The following GRID2 variants were observed in gnomAD, a reference collection of about 807,000 sequenced individuals.
GRID2 encodes glutamate receptor ionotropic, delta-2.
In GRID2, 33 loss-of-function variants were observed where a neutral mutation model predicts 114.8. The ratio of observed to expected loss-of-function variants is 0.29; its 90% CI spans 0.22 to 0.38. GRID2 has a LOEUF of 0.38. Ranked by LOEUF, GRID2 falls within the 10% of genes least tolerant of loss-of-function variation. GRID2 has a pLI of 1.00. For missense variants in GRID2, 1,184 were observed against 1,257.7 expected (o/e 0.94, Z 0.89); for synonymous variants, 505 against 449.9 (o/e 1.12, Z -1.55).
At position 93,422,760 on chromosome 4, in the gene GRID2, T is replaced by A; in HGVS notation, c.1348-11T>A. On this transcript the variant is annotated splice_polypyrimidine_tract_variant and intron_variant, in intron 9 of 15. Coordinates refer to ENST00000282020, the MANE Select transcript of GRID2 (RefSeq NM_001510.4). ...AGATTGACATCAGAAATTTCTCTTA[T>A]TTCCATGTAGGAAGAACCTTTTGTG... 1 of 1,585,644 alleles carries A rather than the reference T, an allele frequency of 6.3e-7. No homozygotes were observed.
chr4:93,771,974 C>A, intron 15 of GRID2, 102 bp from the exon 16 acceptor site: 3 of 697,450 alleles, frequency 4.3e-6, no homozygotes, highest in South Asian at 1.8e-5. Context: ...ATGAATAAAC[C>A]CCAAAGTTCA....
At chr4:93,427,014 A>G (rs1204449877) in intron 10 of GRID2, among the ~76,000 whole-genome samples, 1 of 152,034 alleles carries the variant, frequency 6.6e-6, no homozygotes, top group Non-Finnish European at 1.5e-5. Flanking sequence ...ATGGGTTGTC[A>G]TGAATGCCAA....
chr4:92,898,800 C>T (rs191018552), intron 2 of GRID2, among the ~76,000 whole-genome samples: 6 of 152,178 alleles, frequency 3.9e-5, no homozygotes, highest in Admixed American at 3.9e-4. Context: ...TAACCTTTAA[C>T]AGGTTTCAAT....
chr4:92,942,672 C>T (rs1751252748), intron 2 of GRID2, among the ~76,000 whole-genome samples: 1 of 152,184 alleles, frequency 6.6e-6, no homozygotes, highest in African/African-American at 2.4e-5. Flanking sequence ...CCTTGACGGT[C>T]TTTACAATTG....
chr4:92,904,871 T>A (rs1560686174), intron 2 of GRID2, among the ~76,000 whole-genome samples: 1 of 151,998 alleles, frequency 6.6e-6, no homozygotes, highest in Admixed American at 6.6e-5. Context: ...CATAAAGCTT[T>A]ATGACTTTAG....
chr4:93,605,947 T>C (rs1362525279), intron 13 of GRID2, among the ~76,000 whole-genome samples: 4 of 152,060 alleles, frequency 2.6e-5, no homozygotes, highest in African/African-American at 9.7e-5. Context: ...ATGAAAAGAT[T>C]AGTAGAAGTT....
chr4:92,668,189 T>C (rs1210598105), intron 2 of GRID2, among the ~76,000 whole-genome samples: 1 of 151,790 alleles, frequency 6.6e-6, no homozygotes, highest in Non-Finnish European at 1.5e-5. Flanking sequence ...TTAAAATTAA[T>C]TGAGTATAAT....
chr4:93,128,748 A>G (rs911588226), intron 4 of GRID2, among the ~76,000 whole-genome samples: 8 of 152,194 alleles, frequency 5.3e-5, no homozygotes, highest in African/African-American at 1.9e-4. Context: ...GGAGACCTGA[A>G]ATAAATGTTC....
chr4:93,656,647 G>A (rs1330827875), intron 14 of GRID2, among the ~76,000 whole-genome samples: 1 of 150,104 alleles, frequency 6.7e-6, no homozygotes, highest in African/African-American at 2.4e-5. Context: ...TGGCTAACAC[G>A]GTGAAACCCC....
intron 1 of GRID2, among the ~76,000 whole-genome samples, chr4:92,553,286 G>A (rs1055336796): frequency 1.3e-5 from 2 of 151,044 alleles, no homozygotes; most frequent in Non-Finnish European, 3.0e-5. Context: ...TTTATAATGT[G>A]TTTTGAATTT....
intron 10 of GRID2, among the ~76,000 whole-genome samples, chr4:93,435,273 T>C (rs973335292): frequency 3.9e-5 from 6 of 152,170 alleles, no homozygotes; most frequent in Non-Finnish European, 8.8e-5. Flanking sequence ...ACTCCCCTAA[T>C]TAATAACCAT....
chr4:92,616,800 C>T (rs1331081778), intron 2 of GRID2, among the ~76,000 whole-genome samples: 1 of 151,156 alleles, frequency 6.6e-6, no homozygotes, highest in Non-Finnish European at 1.5e-5. Context: ...GTTTGCAATC[C>T]TTTGATATTT....
intron 14 of GRID2, among the ~76,000 whole-genome samples, chr4:93,758,242 T>G (rs1456883474): frequency 6.6e-6 from 1 of 152,228 alleles, no homozygotes; most frequent in Non-Finnish European, 1.5e-5. Flanking sequence ...TTCCCATCTA[T>G]GAAAATGTGG....
chr4:93,674,040 T>C (rs1724647911), intron 14 of GRID2, among the ~76,000 whole-genome samples: 1 of 152,170 alleles, frequency 6.6e-6, no homozygotes. Flanking sequence ...CATTGCTCCT[T>C]TGACTCATGG....
chr4:92,552,708 T>A (rs926880523), intron 1 of GRID2, among the ~76,000 whole-genome samples: 1 of 152,092 alleles, frequency 6.6e-6, no homozygotes, highest in African/African-American at 2.4e-5. Flanking sequence ...AATAGGGAGT[T>A]GAAGTTTTGG....
At chr4:92,305,446 C>T (rs907655534) in intron 1 of GRID2, among the ~76,000 whole-genome samples, 1 of 152,136 alleles carries the variant, frequency 6.6e-6, no homozygotes, top group Admixed American at 6.5e-5. Flanking sequence ...CGAAACTGAC[C>T]CCGGGGCGCT....
chr4:93,448,707 T>A (rs1224443664), intron 10 of GRID2, among the ~76,000 whole-genome samples: 1 of 151,890 alleles, frequency 6.6e-6, no homozygotes, highest in Non-Finnish European at 1.5e-5. Context: ...AAAAATTATC[T>A]TTAAAATTAG....
intron 2 of GRID2, among the ~76,000 whole-genome samples, chr4:92,637,088 C>A (rs879745353): frequency 4.6e-5 from 7 of 151,660 alleles, no homozygotes; most frequent in African/African-American, 9.7e-5. Context: ...CAAAATAATT[C>A]TTTAATATTA....
At chr4:92,614,071 A>T (rs1240315701) in intron 2 of GRID2, among the ~76,000 whole-genome samples, 1 of 151,372 alleles carries the variant, frequency 6.6e-6, no homozygotes, top group Non-Finnish European at 1.5e-5. Context: ...TAGCTATTTG[A>T]AACCATATAT....
Sources: allele counts gnomAD v4.1 joint callset (sites outside exome capture counted in the v4.1 genomes callset), GRCh38; gene constraint gnomAD v4.1.1; transcripts MANE v1.5; gene names NCBI Gene and HGNC (gene_info 2026-07-23, HGNC 2026-07-21).